Variants in TMEM135 observed in about 807,000 individuals in gnomAD.
TMEM135 encodes the protein peroxisomal membrane protein 52.
A neutral mutation model predicts 60.3 loss-of-function variants in TMEM135; 30 were observed. The observed-to-expected ratio is 0.50, with a 90% CI of 0.37 to 0.68. The LOEUF is 0.68. Among genes scored for constraint, TMEM135 ranks in the 30% least tolerant of loss-of-function variants. TMEM135 has a pLI of 0.00. For synonymous variants in TMEM135, 190 were observed against 186.7 expected, an observed-to-expected ratio of 1.02 and a Z score of -0.14; for missense variants, 468 against 548.8, an observed-to-expected ratio of 0.85 and a Z score of 1.47.
chr11:87,127,382 A>G (rs1037930218), intron 4 of TMEM135, among the ~76,000 whole-genome samples: 1 of 152,180 alleles, frequency 6.6e-6, no homozygotes, highest in African/African-American at 2.4e-5. Flanking sequence ...CTGTGGGCTA[A>G]TCAAGATTCA....
At chr11:87,107,977 C>T (rs1219977617) in intron 4 of TMEM135, among the ~76,000 whole-genome samples, 3 of 152,170 alleles carry the variant, frequency 2.0e-5, no homozygotes, top group Non-Finnish European at 4.4e-5. Flanking sequence ...GATGGTATCT[C>T]ATTGTGGTTC....
At chr11:87,264,728 T>A (rs1453110481) in intron 6 of TMEM135, among the ~76,000 whole-genome samples, 1 of 151,936 alleles carries the variant, frequency 6.6e-6, no homozygotes, top group African/African-American at 2.4e-5. Context: ...GTCTTCCAGA[T>A]CTATGGTAGG....
At chr11:87,044,127 T>C (rs1255763908) in intron 1 of TMEM135, among the ~76,000 whole-genome samples, 1 of 152,156 alleles carries the variant, frequency 6.6e-6, no homozygotes, top group Non-Finnish European at 1.5e-5. Flanking sequence ...CTTTGAACCA[T>C]GTAATCCAAC....
At chr11:87,113,364 G>A (rs1199661832) in intron 4 of TMEM135, among the ~76,000 whole-genome samples, 1 of 152,014 alleles carries the variant, frequency 6.6e-6, no homozygotes, top group Non-Finnish European at 1.5e-5. Context: ...GACAATGTAG[G>A]CCTGAATCTT....
Position 87,244,593 on chromosome 11 carries a change from C to T in TMEM135, c.509+7909C>T, listed in dbSNP as rs559733345. Among the ~76,000 whole-genome samples, 24 of 77,806 alleles carry T rather than the reference C, an allele frequency of 3.1e-4. 8 individuals are homozygous for T. Among genetic ancestry groups the T allele is most frequent in the African/African-American group, 1.0e-3 (22 of 21,206 alleles). The allele number at this position is 77,806 out of a possible 152,430, so 51.0% of individuals were successfully genotyped here. A position where few individuals can be genotyped will look rare whatever the true frequency, so the allele number is the denominator to read the frequency against. ...TTTAGTCTTGGGAGGATGTATGTGT[C>T]GAGGAATTCATCCATTTCTTCCACA... On this transcript the variant is annotated intron_variant, in intron 6 of 14. Transcript: ENST00000305494.
intron 4 of TMEM135, among the ~76,000 whole-genome samples, chr11:87,130,588 C>T (rs181388437): frequency 1.4e-4 from 21 of 152,212 alleles, no homozygotes; most frequent in Admixed American, 4.6e-4. Context: ...GTCTGGGTAT[C>T]GCTATCATTA....
chr11:87,044,252 G>A (rs533910892), intron 1 of TMEM135, among the ~76,000 whole-genome samples: 22 of 152,088 alleles, frequency 1.4e-4, no homozygotes, highest in Non-Finnish European at 2.6e-4. Context: ...CTCATTGGTT[G>A]CTAAAGGCTT....
intron 6 of TMEM135, among the ~76,000 whole-genome samples, chr11:87,281,876 A>G (rs766256901): frequency 6.6e-6 from 1 of 152,220 alleles, no homozygotes; most frequent in Non-Finnish European, 1.5e-5. Flanking sequence ...CAAAATGAAG[A>G]TTTCACGTAG....
intron 5 of TMEM135, among the ~76,000 whole-genome samples, chr11:87,215,595 T>TG (rs1171020289): frequency 4.6e-5 from 7 of 152,202 alleles, no homozygotes; most frequent in Non-Finnish European, 1.0e-4. Flanking sequence ...GCACTGGACT[T>TG]GGAAGTTACA....
chr11:87,180,446 G>C (rs777291483), intron 5 of TMEM135, among the ~76,000 whole-genome samples: 15 of 152,094 alleles, frequency 9.9e-5, no homozygotes, highest in Non-Finnish European at 1.6e-4. Context: ...TTTGTAGCCA[G>C]AGAATTAAGA....
intron 5 of TMEM135, among the ~76,000 whole-genome samples, chr11:87,207,258 C>A (rs1210199919): frequency 6.6e-6 from 1 of 152,128 alleles, no homozygotes; most frequent in African/African-American, 2.4e-5. Flanking sequence ...AAAGTGGCAA[C>A]AAGGATAAAC....
intron 5 of TMEM135, among the ~76,000 whole-genome samples, chr11:87,160,771 C>T (rs551708329): frequency 6.6e-6 from 1 of 152,142 alleles, no homozygotes; most frequent in South Asian, 2.1e-4. Flanking sequence ...AAAAAAATAC[C>T]CTTCACAAAT....
intron 4 of TMEM135, among the ~76,000 whole-genome samples, chr11:87,142,311 G>A (rs1938284011): frequency 6.6e-6 from 1 of 152,196 alleles, no homozygotes. Flanking sequence ...GCAGCAACTA[G>A]TTTAGGAGAG....
chr11:87,255,151 A>C (rs887021033), intron 6 of TMEM135, among the ~76,000 whole-genome samples: 1 of 152,082 alleles, frequency 6.6e-6, no homozygotes, highest in Non-Finnish European at 1.5e-5. Flanking sequence ...CAGCACAGTA[A>C]ATGGGACTGG....
chr11:87,186,662 C>T (rs868727262), intron 5 of TMEM135, among the ~76,000 whole-genome samples: 159 of 152,216 alleles, frequency 1.0e-3, no homozygotes, highest in African/African-American at 3.6e-3. Context: ...GAATAATTCA[C>T]ATTGTAATAC....
intron 4 of TMEM135, among the ~76,000 whole-genome samples, chr11:87,140,797 G>T (rs1203244113): frequency 6.6e-6 from 1 of 152,142 alleles, no homozygotes; most frequent in Non-Finnish European, 1.5e-5. Flanking sequence ...TTTTGAGTTA[G>T]TTTTTGTTAT....
At chr11:87,252,771 C>CA (rs1290084551) in intron 6 of TMEM135, among the ~76,000 whole-genome samples, 15,085 of 97,924 alleles carry the variant, frequency 0.15, 1,131 homozygotes, top group South Asian at 0.19. Flanking sequence ...AACTAAATCT[C>CA]AAAAAAAAAA....
Position 87,066,999 on chromosome 11 carries a change from C to A in TMEM135, c.142-695C>A, listed in dbSNP as rs150659711. The stretch of plus-strand genomic sequence containing the variant: ...GTTTCACCATGTTGGCCAGAATGGT[C>A]TTGAACTCCAGACCTTGTGATCTGC... On this transcript the variant is annotated intron_variant, in intron 1 of 14. Coordinates refer to ENST00000305494, the MANE Select transcript of TMEM135 (RefSeq NM_022918.4). Among the ~76,000 whole-genome samples, 53 of 151,318 alleles carry A rather than the reference C, an allele frequency of 3.5e-4. No individual in the cohort carries two copies. The East Asian group carries it at 0.01, about 29-fold the overall frequency.
At chr11:87,312,462 T>C (rs185843272) in intron 10 of TMEM135, among the ~76,000 whole-genome samples, 1 of 152,024 alleles carries the variant, frequency 6.6e-6, no homozygotes, top group Admixed American at 6.6e-5. Flanking sequence ...CCACGATATG[T>C]TGTTACTATT....
Sources: gnomAD v4.1 joint callset for allele counts (sites outside exome capture counted in the v4.1 genomes callset) on GRCh38, gnomAD v4.1.1 for gene constraint, MANE v1.5 for transcripts, NCBI Gene and HGNC (gene_info 2026-07-23, HGNC 2026-07-21) for gene names.